Variants in CHD2 observed in about 807,000 individuals in gnomAD.
CHD2 encodes the protein ATP-dependent chromatin remodeler CHD2.
CHD2 carries 28 observed loss-of-function variants against 243.9 expected under a neutral mutation model. That is an observed-to-expected ratio of 0.11 (90% CI 0.09 to 0.16). CHD2 has a LOEUF of 0.16. Ranked by LOEUF, CHD2 falls within the 10% of genes least tolerant of loss-of-function variation. CHD2 has a pLI of 1.00. For missense variants in CHD2, 1,386 were observed against 2,209.8 expected (o/e 0.63, Z 7.47); for synonymous variants, 775 against 779.0 (o/e 0.99, Z 0.09).
At chr15:92,956,022 G>A (rs2053613793) in intron 15 of CHD2, among the ~76,000 whole-genome samples, 1 of 152,214 alleles carries the variant, frequency 6.6e-6, no homozygotes. Flanking sequence ...AGAAATATAT[G>A]TGGTAGGTAG....
chr15:92,910,001 C>CAT (rs955781267), intron 2 of CHD2, among the ~76,000 whole-genome samples: 5 of 149,804 alleles, frequency 3.3e-5, no homozygotes, highest in Non-Finnish European at 5.9e-5. Flanking sequence ...CACATATATA[C>CAT]ATATATATAA....
intron 34 of CHD2, among the ~76,000 whole-genome samples, chr15:93,008,908 G>GT (rs2054356050): frequency 6.6e-6 from 1 of 152,174 alleles, no homozygotes; most frequent in African/African-American, 2.4e-5. Flanking sequence ...ATTTAGAGAG[G>GT]TTAAGTAAGG....
intron 18 of CHD2, 71 bp downstream of exon 18, chr15:92,971,998 C>A: frequency 6.8e-7 from 1 of 1,462,644 alleles, no homozygotes; most frequent in Non-Finnish European, 9.3e-7. Context: ...CATCAGAATG[C>A]TCTATTTCCT....
intron 13 of CHD2, among the ~76,000 whole-genome samples, chr15:92,952,531 C>T (rs1333683967): frequency 2.0e-5 from 3 of 152,282 alleles, no homozygotes; most frequent in Middle Eastern, 3.4e-3. Flanking sequence ...GAGTGTGCAA[C>T]GTAGATCCCT....
At chr15:92,903,004 A>G (rs2052551934) in intron 2 of CHD2, among the ~76,000 whole-genome samples, 2 of 152,228 alleles carry the variant, frequency 1.3e-5, no homozygotes, top group Non-Finnish European at 2.9e-5. Flanking sequence ...ACAGCTGTAC[A>G]TGAAGCATGT....
intron 16 of CHD2, among the ~76,000 whole-genome samples, chr15:92,966,524 A>G (rs888333750): frequency 2.6e-5 from 4 of 152,140 alleles, no homozygotes; most frequent in Admixed American, 2.0e-4. Flanking sequence ...TTAGATGTCT[A>G]CCCCAAAAGA....
At chr15:92,923,537 G>A (rs2052999754) in intron 2 of CHD2, among the ~76,000 whole-genome samples, 2 of 151,382 alleles carry the variant, frequency 1.3e-5, no homozygotes, top group Admixed American at 6.6e-5. Context: ...TGGGATTATA[G>A]GCTTGAGCCA....
At chr15:92,924,212 T>C (rs530556215) in intron 2 of CHD2, 109 bp from the exon 3 acceptor site, 79 of 875,270 alleles carry the variant, frequency 9.0e-5, no homozygotes, top group African/African-American at 7.3e-4. Context: ...TTTGGTCTTA[T>C]ATTACTAAAA....
chr15:92,991,189 T>C (rs552410532), intron 26 of CHD2, among the ~76,000 whole-genome samples: 3 of 152,224 alleles, frequency 2.0e-5, no homozygotes, highest in Non-Finnish European at 4.4e-5. Flanking sequence ...AAAAAGGATA[T>C]TAGAGCTAAG....
intron 2 of CHD2, chr15:92,904,829 C>T: frequency 2.7e-6 from 4 of 1,507,522 alleles, no homozygotes; most frequent in Non-Finnish European, 3.5e-6. Flanking sequence ...TTACAATTGA[C>T]CAAAACGTTT....
At chr15:92,982,907 G>A (rs992203647) in intron 24 of CHD2, among the ~76,000 whole-genome samples, 5 of 152,162 alleles carry the variant, frequency 3.3e-5, no homozygotes, top group Non-Finnish European at 7.3e-5. Context: ...AAATACCGTA[G>A]ACTGGGTGGT....
At chr15:92,920,645 G>A (rs1054404260) in intron 2 of CHD2, among the ~76,000 whole-genome samples, 2 of 152,176 alleles carry the variant, frequency 1.3e-5, no homozygotes, top group Non-Finnish European at 2.9e-5. Context: ...TGCTGTTGGA[G>A]TTTTCTGTTT....
intron 17 of CHD2, among the ~76,000 whole-genome samples, chr15:92,969,378 C>T (rs1267260907): frequency 1.3e-5 from 2 of 152,190 alleles, no homozygotes; most frequent in Non-Finnish European, 2.9e-5. Context: ...AGGCATAGGC[C>T]CTTCTGCTCT....
At chr15:92,918,835 A>C (rs917532628) in intron 2 of CHD2, among the ~76,000 whole-genome samples, 3 of 151,548 alleles carry the variant, frequency 2.0e-5, no homozygotes, top group African/African-American at 7.3e-5. Flanking sequence ...ATATATATAC[A>C]TACACACATA....
chr15:92,977,183 G>T lies in CHD2; in HGVS notation c.2578-1051G>T, dbSNP rs146074815. Among the ~76,000 whole-genome samples the T allele has an allele frequency of 6.2e-3, 951 of 152,264 alleles. 4 individuals carry two copies. The highest frequency in any genetic ancestry group is 0.017 in the Middle Eastern group (5 of 294). On this transcript the variant is annotated intron_variant, in intron 20 of 38. Transcript: ENST00000394196. ...TTATCTTTAGACTTCTCTTTGGAGT[G>T]TGGTGGTGCTTAATATTTCTCTTAA...
chr15:92,995,610 G>T (rs541948098), intron 28 of CHD2, among the ~76,000 whole-genome samples: 16 of 152,232 alleles, frequency 1.1e-4, no homozygotes, highest in African/African-American at 3.9e-4. Context: ...TACAGTTGCA[G>T]AGTATTCTAC....
At chr15:92,922,743 A>G (rs1239872619) in intron 2 of CHD2, among the ~76,000 whole-genome samples, 1 of 152,134 alleles carries the variant, frequency 6.6e-6, no homozygotes, top group African/African-American at 2.4e-5. Context: ...GCAAGAGTAA[A>G]CAGTCCACCT....
intron 22 of CHD2, 134 bp from the exon 23 acceptor site, chr15:92,980,681 A>G (rs1272064515): frequency 1.6e-6 from 1 of 635,488 alleles, no homozygotes; most frequent in African/African-American, 1.9e-5. Flanking sequence ...GCGATGTTTG[A>G]GAAATCATTT....
intron 26 of CHD2, among the ~76,000 whole-genome samples, chr15:92,989,018 CTTCATACTT>C (rs1393607086): frequency 3.6e-5 from 5 of 138,722 alleles, no homozygotes; most frequent in Admixed American, 7.5e-5. Context: ...ATACTTCATA[CTTCATACTT>C]TTTTTTTTTT....
Sources: allele counts gnomAD v4.1 joint callset (sites outside exome capture counted in the v4.1 genomes callset), GRCh38; gene constraint gnomAD v4.1.1; transcripts MANE v1.5; gene names NCBI Gene and HGNC (gene_info 2026-07-23, HGNC 2026-07-21).